Variants in MYO1B observed in about 807,000 individuals in gnomAD.
MYO1B encodes the protein myosin IB, also known as unconventional myosin-Ib.
Under a neutral mutation model 159.7 loss-of-function variants are expected in MYO1B, and 72 were observed. That is an observed-to-expected ratio of 0.45 (90% confidence interval 0.37 to 0.55). MYO1B has a LOEUF of 0.55. Ranked by LOEUF, MYO1B falls within the 20% of genes least tolerant of loss-of-function variation. The probability of loss-of-function intolerance (pLI) is 0.00; values close to 1 mark genes in which losing one functional copy is unlikely to be tolerated. For synonymous variants in MYO1B, 468 were observed against 473.8 expected, an observed-to-expected ratio of 0.99 and a Z score of 0.16; for missense variants, 1,062 against 1,364.8, an observed-to-expected ratio of 0.78 and a Z score of 3.50.
intron 4 of MYO1B, among the ~76,000 whole-genome samples, chr2:191,333,441 C>T (rs1691622185): frequency 6.6e-6 from 1 of 152,110 alleles, no homozygotes; most frequent in Non-Finnish European, 1.5e-5. Context: ...TGTTTGTTAT[C>T]CTTGATTTCT....
chr2:191,278,761 G>A (rs1687890249), intron 2 of MYO1B, among the ~76,000 whole-genome samples: 1 of 152,260 alleles, frequency 6.6e-6, no homozygotes, highest in Non-Finnish European at 1.5e-5. Context: ...TAGCAGTTCT[G>A]CTTTCAGGTG....
At chr2:191,377,193 A>G (rs1694765873) in intron 13 of MYO1B, among the ~76,000 whole-genome samples, 1 of 152,214 alleles carries the variant, frequency 6.6e-6, no homozygotes, top group African/African-American at 2.4e-5. Flanking sequence ...GTGAAATAGC[A>G]GAGAACAGAC....
intron 1 of MYO1B, among the ~76,000 whole-genome samples, chr2:191,266,284 C>T (rs796998791): frequency 1.3e-5 from 2 of 152,192 alleles, no homozygotes; most frequent in African/African-American, 2.4e-5. Context: ...AGAAATTCAT[C>T]TAATGAGTTT....
chr2:191,402,743 G>C (rs1479973728), intron 24 of MYO1B, 25 bp downstream of exon 24: 1 of 1,586,224 alleles, frequency 6.3e-7, no homozygotes, highest in Non-Finnish European at 8.6e-7. Flanking sequence ...ACTTGTTTCT[G>C]TCCAGGGTGA....
intron 1 of MYO1B, among the ~76,000 whole-genome samples, chr2:191,267,832 T>C (rs1309113156): frequency 1.3e-5 from 2 of 152,220 alleles, no homozygotes. Flanking sequence ...CTTTAATCCT[T>C]CATGAGGACA....
rs16833682 is a variant in MYO1B, at chr2:191,414,676, G to A, written c.3159+7G>A. 6.9e-6 allele frequency: 11 copies of A among 1,601,316 alleles called. 1 individual carries two copies. Among genetic ancestry groups the A allele is most frequent in the South Asian group, 2.3e-5 (2 of 86,914 alleles). On this transcript the variant is annotated splice_region_variant and intron_variant, in intron 29 of 30. Coordinates refer to ENST00000392318, the MANE Select transcript of MYO1B (RefSeq NM_001130158.3). ...CGCCGTCCACCTCAAAGAGGTAAAG[G>A]TTCAACAGAAGATTTCTGTGCTTAA...
intron 3 of MYO1B, among the ~76,000 whole-genome samples, chr2:191,302,351 C>T (rs1020871396): frequency 6.6e-6 from 1 of 152,164 alleles, no homozygotes; most frequent in Admixed American, 6.5e-5. Context: ...AGCTCAACAA[C>T]TATAAAACAA....
chr2:191,339,935 AC>A (rs1692105228), intron 4 of MYO1B, among the ~76,000 whole-genome samples: 1 of 152,116 alleles, frequency 6.6e-6, no homozygotes, highest in Admixed American at 6.5e-5. Context: ...ACTGGAATCC[AC>A]CTGCAGGTCT....
intron 20 of MYO1B, among the ~76,000 whole-genome samples, chr2:191,393,466 A>G (rs1695885871): frequency 6.6e-6 from 1 of 152,224 alleles, no homozygotes; most frequent in African/African-American, 2.4e-5. Flanking sequence ...AGACAGTATT[A>G]GAGCTCAAGT....
chr2:191,424,267 T>C lies in MYO1B; in HGVS notation c.*307T>C, dbSNP rs1285432850. The C allele has an allele frequency of 3.5e-6, 1 of 283,902 alleles. No individual in the cohort carries two copies. The highest frequency in any genetic ancestry group is 6.6e-6 in the Non-Finnish European group (1 of 152,478). The allele number at this position is 283,902 out of a possible 1,614,324, so 17.6% of individuals were successfully genotyped here. A position where few individuals can be genotyped will look rare whatever the true frequency, so the allele number is the denominator to read the frequency against. On this transcript the variant is annotated 3_prime_UTR_variant, in exon 31 of 31. Transcript: ENST00000392318. Reference sequence around the variant, plus strand: ...CAGCATATTACTCATAAATCATTAATTAATATAAGCATAGGAAATGGTCTT... The same window carrying C: ...CAGCATATTACTCATAAATCATTAACTAATATAAGCATAGGAAATGGTCTT...
intron 7 of MYO1B, among the ~76,000 whole-genome samples, chr2:191,352,806 C>G (rs1189124761): frequency 6.6e-6 from 1 of 152,150 alleles, no homozygotes; most frequent in East Asian, 1.9e-4. Context: ...TTGCTGCCTT[C>G]TGGCAGAAGG....
At chr2:191,380,724 C>T (rs973423384) in intron 13 of MYO1B, among the ~76,000 whole-genome samples, 1 of 152,106 alleles carries the variant, frequency 6.6e-6, no homozygotes, top group African/African-American at 2.4e-5. Flanking sequence ...GGGCCTTCTA[C>T]AGAGAGAGAG....
chr2:191,383,203 G>A (rs1376698754), intron 14 of MYO1B, 77 bp from the exon 15 acceptor site: 3 of 835,636 alleles, frequency 3.6e-6, no homozygotes, highest in African/African-American at 1.8e-5. Context: ...TGATAAGATG[G>A]TCAAAGTCTG....
At chr2:191,350,295 T>A in intron 7 of MYO1B, 70 bp downstream of exon 7, 1 of 1,169,458 alleles carries the variant, frequency 8.6e-7, no homozygotes, top group Non-Finnish European at 1.3e-6. Flanking sequence ...GTAGAATAGT[T>A]TAGATACTTG....
At chr2:191,354,561 A>G (rs1487531308) in intron 7 of MYO1B, among the ~76,000 whole-genome samples, 1 of 152,024 alleles carries the variant, frequency 6.6e-6, no homozygotes. Context: ...TTATGAATGG[A>G]GGCAAATGCT....
At chr2:191,308,314 A>G (rs114044373) in intron 3 of MYO1B, among the ~76,000 whole-genome samples, 3,002 of 152,282 alleles carry the variant, frequency 0.02, 90 homozygotes, top group African/African-American at 0.068. Context: ...TGTATTATAC[A>G]TTGTTCTTAA....
At chr2:191,404,876 G>A (rs1368444779) in intron 24 of MYO1B, among the ~76,000 whole-genome samples, 1 of 152,208 alleles carries the variant, frequency 6.6e-6, no homozygotes, top group Non-Finnish European at 1.5e-5. Context: ...GATGTCGATG[G>A]CTGCTGACTG....
At chr2:191,361,608 A>G (rs1488570970) in intron 8 of MYO1B, among the ~76,000 whole-genome samples, 2 of 150,662 alleles carry the variant, frequency 1.3e-5, no homozygotes, top group East Asian at 1.9e-4. Context: ...TAATATATAC[A>G]TATACTACAT....
At chr2:191,249,735 C>A (rs1686000156) in intron 1 of MYO1B, among the ~76,000 whole-genome samples, 1 of 152,184 alleles carries the variant, frequency 6.6e-6, no homozygotes, top group African/African-American at 2.4e-5. Flanking sequence ...ACTGGAAGTT[C>A]TGCCTTGTTT....
Sources: gnomAD v4.1 joint callset for allele counts (sites outside exome capture counted in the v4.1 genomes callset) on GRCh38, gnomAD v4.1.1 for gene constraint, MANE v1.5 for transcripts, NCBI Gene and HGNC (gene_info 2026-07-23, HGNC 2026-07-21) for gene names.